LOC400499: variants seen among roughly 807,000 people sequenced by gnomAD.
chr16:11,384,442 T>TAG, the LOC400499 span: 2 of 492,378 alleles, frequency 4.1e-6, no homozygotes, highest in Non-Finnish European at 6.4e-6. Context: ...AGAGGAGCAG[T>TAG]AGAGTCCCAC....
chr16:11,485,168 G>A, the LOC400499 span: 1 of 398,098 alleles, frequency 2.5e-6, no homozygotes, highest in Non-Finnish European at 4.4e-6. Context: ...GGACCCAGAA[G>A]GCTTGAGCAC....
chr16:11,454,933 C>T, the LOC400499 span, among the ~76,000 whole-genome samples: 1 of 152,228 alleles, frequency 6.6e-6, no homozygotes, highest in East Asian at 1.9e-4. Context: ...TGCAACTGGT[C>T]GTCTTTGGAG....
chr16:11,408,451 ATTTTTTTT>A, the LOC400499 span, among the ~76,000 whole-genome samples: 4 of 131,212 alleles, frequency 3.0e-5, no homozygotes, highest in African/African-American at 5.8e-5. Context: ...TCAGTGCAGG[ATTTTTTTT>A]TTTTTTTTTT....
At chr16:11,398,988 G>A in the LOC400499 span, among the ~76,000 whole-genome samples, 6 of 152,316 alleles carry the variant, frequency 3.9e-5, no homozygotes, top group East Asian at 9.6e-4. Context: ...CCATGCCTAA[G>A]AGCCCCAGGA....
At chr16:11,455,582 A>C in the LOC400499 span, among the ~76,000 whole-genome samples, 1 of 151,948 alleles carries the variant, frequency 6.6e-6, no homozygotes, top group Non-Finnish European at 1.5e-5. Context: ...TAAAAATAGA[A>C]AAATTTGCCA....
the LOC400499 span, among the ~76,000 whole-genome samples, chr16:11,448,340 C>T: frequency 6.6e-6 from 1 of 152,196 alleles, no homozygotes; most frequent in Non-Finnish European, 1.5e-5. Context: ...AAGTTTTGCT[C>T]CTGGATCTTT....
chr16:11,387,430 C>A, the LOC400499 span: 28 of 666,660 alleles, frequency 4.2e-5, no homozygotes, highest in Non-Finnish European at 5.5e-5. Flanking sequence ...GAGGGGCTGT[C>A]CTTGTTTTGG....
At chr16:11,434,523 A>AG in the LOC400499 span, among the ~76,000 whole-genome samples, 2 of 152,214 alleles carry the variant, frequency 1.3e-5, no homozygotes, top group African/African-American at 4.8e-5. Context: ...GACCATTTGT[A>AG]GGACACCCAG....
At chr16:11,470,359 T>G in the LOC400499 span, among the ~76,000 whole-genome samples, 1 of 152,220 alleles carries the variant, frequency 6.6e-6, no homozygotes, top group African/African-American at 2.4e-5. Flanking sequence ...GAACACACTC[T>G]GCGAGTACCT....
the LOC400499 span, among the ~76,000 whole-genome samples, chr16:11,453,374 A>G: frequency 6.6e-6 from 1 of 152,166 alleles, no homozygotes; most frequent in South Asian, 2.1e-4. Context: ...AAGCATAAGC[A>G]CATATCCAAG....
At chr16:11,387,388 C>T in the LOC400499 span, 1 of 1,061,510 alleles carries the variant, frequency 9.4e-7, no homozygotes. Flanking sequence ...AGGAAGAGCT[C>T]TGCAGTGGAG....
the LOC400499 span, among the ~76,000 whole-genome samples, chr16:11,515,177 G>C: frequency 6.6e-6 from 1 of 152,140 alleles, no homozygotes; most frequent in Non-Finnish European, 1.5e-5. Context: ...CAGGCATAGT[G>C]GTGTGTGCCT....
chr16:11,479,766 T>C, the LOC400499 span, among the ~76,000 whole-genome samples: 2 of 152,204 alleles, frequency 1.3e-5, no homozygotes, highest in African/African-American at 2.4e-5. Flanking sequence ...AACACTGGTA[T>C]GTTTCTATCA....
chr16:11,521,932 G>C, the LOC400499 span: 6 of 399,010 alleles, frequency 1.5e-5, no homozygotes, highest in Non-Finnish European at 2.7e-5. Flanking sequence ...GTGATCTCCC[G>C]GTTGCCCAAA....
At chr16:11,459,870 G>T in the LOC400499 span, 2 of 1,336,958 alleles carry the variant, frequency 1.5e-6, no homozygotes, top group Middle Eastern at 1.9e-4. Context: ...CATGGGGCAC[G>T]GCTCTGCCGC....
the LOC400499 span, among the ~76,000 whole-genome samples, chr16:11,482,845 T>A: frequency 6.8e-6 from 1 of 146,466 alleles, no homozygotes; most frequent in Non-Finnish European, 1.5e-5. Context: ...TGAGCTATGA[T>A]CACACCACTG....
the LOC400499 span, among the ~76,000 whole-genome samples, chr16:11,373,317 C>G: frequency 6.6e-6 from 1 of 152,158 alleles, no homozygotes; most frequent in African/African-American, 2.4e-5. Context: ...CCTTCTATCC[C>G]TCATCTGCTA....
the LOC400499 span, among the ~76,000 whole-genome samples, chr16:11,419,728 C>T: frequency 1.3e-5 from 2 of 152,140 alleles, no homozygotes; most frequent in African/African-American, 4.8e-5. Context: ...TATCCAGAAT[C>T]TACAATGAAC....
At chr16:11,439,651 T>C in the LOC400499 span, 1 of 398,842 alleles carries the variant, frequency 2.5e-6, no homozygotes, top group Non-Finnish European at 4.4e-6. Context: ...AGGAGGTGGC[T>C]ACTGGGCAAA....
Sources: allele counts gnomAD v4.1 joint callset (sites outside exome capture counted in the v4.1 genomes callset), GRCh38; gene constraint gnomAD v4.1.1; transcripts MANE v1.5.